Variants in MAGI1 observed in about 807,000 individuals in gnomAD.
MAGI1 encodes the protein membrane-associated guanylate kinase, WW and PDZ domain-containing protein 1.
Under a neutral mutation model 139.9 loss-of-function variants are expected in MAGI1, and 58 were observed. The observed-to-expected ratio is 0.41, with a 90% CI of 0.34 to 0.52. MAGI1 has a LOEUF of 0.52. Ranked by LOEUF, MAGI1 falls within the 20% of genes least tolerant of loss-of-function variation. MAGI1 has a pLI of 0.12. For missense variants in MAGI1, 1,874 were observed against 1,901.6 expected, an observed-to-expected ratio of 0.99 and a Z score of 0.27; for synonymous variants, 812 against 737.9, an observed-to-expected ratio of 1.10 and a Z score of -1.63.
chr3:65,726,956 C>CAAAAAAAAAAAAAAAAA (rs539578446), intron 1 of MAGI1, among the ~76,000 whole-genome samples: 2 of 102,194 alleles, frequency 2.0e-5, no homozygotes. Context: ...CTCCAAAATC[C>CAAAAAAAAAAAAAAAAA]AAAAAAAAAA....
At chr3:66,033,548 T>C (rs2068756488) in intron 1 of MAGI1, among the ~76,000 whole-genome samples, 1 of 152,178 alleles carries the variant, frequency 6.6e-6, no homozygotes, top group African/African-American at 2.4e-5. Context: ...CAAGGCCCTG[T>C]GTTTTAAAAT....
At chr3:65,377,246 AG>A (rs1942624389) in intron 17 of MAGI1, among the ~76,000 whole-genome samples, 1 of 152,214 alleles carries the variant, frequency 6.6e-6, no homozygotes, top group Admixed American at 6.5e-5. Flanking sequence ...AAAAGTTAAC[AG>A]TCTATTAGAA....
At chr3:65,704,856 G>A (rs1386439740) in intron 1 of MAGI1, among the ~76,000 whole-genome samples, 1 of 152,028 alleles carries the variant, frequency 6.6e-6, no homozygotes, top group Non-Finnish European at 1.5e-5. Flanking sequence ...ACAGTCTGCA[G>A]TAGATGTGCA....
At chr3:65,963,299 G>C (rs917568136) in intron 1 of MAGI1, among the ~76,000 whole-genome samples, 17 of 80,360 alleles carry the variant, frequency 2.1e-4, no homozygotes, top group African/African-American at 9.7e-4. Context: ...TCAACAGAGC[G>C]AGACTCTGTC....
chr3:65,465,111 C>T (rs1950086230), intron 5 of MAGI1, among the ~76,000 whole-genome samples: 1 of 150,838 alleles, frequency 6.6e-6, no homozygotes, highest in African/African-American at 2.4e-5. Context: ...TACCCTCCCT[C>T]ACTTATAATG....
At chr3:65,967,648 G>A (rs1042814875) in intron 1 of MAGI1, among the ~76,000 whole-genome samples, 1 of 152,178 alleles carries the variant, frequency 6.6e-6, no homozygotes, top group Non-Finnish European at 1.5e-5. Context: ...CAAAGCAGTC[G>A]ACAGGAAACG....
intron 1 of MAGI1, among the ~76,000 whole-genome samples, chr3:65,736,119 G>C (rs772078712): frequency 1.3e-5 from 2 of 152,196 alleles, no homozygotes; most frequent in Non-Finnish European, 2.9e-5. Flanking sequence ...AATTCAGAGA[G>C]CCGAAGGTTC....
intron 13 of MAGI1, among the ~76,000 whole-genome samples, chr3:65,394,719 A>G (rs1455739742): frequency 6.6e-6 from 1 of 151,802 alleles, no homozygotes; most frequent in Non-Finnish European, 1.5e-5. Flanking sequence ...CTAATTAGCT[A>G]TGAGGTTGTC....
At chr3:65,394,796 G>C (rs1293602354) in intron 13 of MAGI1, among the ~76,000 whole-genome samples, 1 of 152,040 alleles carries the variant, frequency 6.6e-6, no homozygotes, top group East Asian at 1.9e-4. Context: ...CCAAATTAAA[G>C]TCAACTTGTG....
rs5849691 is a variant in MAGI1, at chr3:65,764,084, G to GAA, written c.314-141998_314-141997dup. 3.7e-3 allele frequency among the ~76,000 whole-genome samples: 469 copies of GAA among 125,466 alleles called. 1 individual carries two copies. Among genetic ancestry groups the GAA allele is most frequent in the East Asian group, 0.017 (73 of 4,240 alleles). 82.3% of individuals were successfully genotyped at this position (125,466 alleles called of 152,430 possible). On this transcript the variant is annotated intron_variant, in intron 1 of 22. Transcript: ENST00000402939. ...AAGACCCTGTCTCAAAAGAAAAAAA[G>GAA]AAAAAAAAAAAAAAAACCTTGTTGT...
At chr3:65,492,550 G>A (rs1259284088) in intron 3 of MAGI1, among the ~76,000 whole-genome samples, 1 of 152,166 alleles carries the variant, frequency 6.6e-6, no homozygotes, top group East Asian at 1.9e-4. Flanking sequence ...GAATTGCAAT[G>A]ACCTATTAAG....
At chr3:65,796,529 A>T (rs1486539024) in intron 1 of MAGI1, among the ~76,000 whole-genome samples, 1 of 152,178 alleles carries the variant, frequency 6.6e-6, no homozygotes, top group African/African-American at 2.4e-5. Context: ...AAACGGACAC[A>T]CTGGCTCCCA....
In MAGI1 at chr3:65,787,324, A is replaced by G. The variant is rs143905493; in HGVS notation, c.314-165236T>C. Among the ~76,000 whole-genome samples the G allele has an allele frequency of 5.1e-3, 781 of 152,104 alleles. 8 individuals are homozygous for G. Among genetic ancestry groups the G allele is most frequent in the Middle Eastern group, 0.01 (3 of 294 alleles). ...AAGCCACTGGAGCATTTTCATAGCA[A>G]CATAGTATAAAAGAAACCGGATCAC... is the stretch of plus-strand genomic sequence containing the variant. On this transcript the variant is annotated intron_variant, in intron 1 of 22. Transcript: ENST00000402939.
intron 10 of MAGI1, among the ~76,000 whole-genome samples, chr3:65,435,458 A>G (rs200081038): frequency 7.4e-6 from 1 of 135,934 alleles, no homozygotes; most frequent in Admixed American, 7.7e-5. Flanking sequence ...TGGCTATTCT[A>G]TATGTATATG....
At chr3:65,909,858 A>G (rs1254585358) in intron 1 of MAGI1, among the ~76,000 whole-genome samples, 4 of 152,146 alleles carry the variant, frequency 2.6e-5, no homozygotes, top group African/African-American at 9.7e-5. Flanking sequence ...GTGGAAGACA[A>G]TATTTCCATG....
chr3:65,617,125 T>C (rs2083418769), intron 2 of MAGI1, among the ~76,000 whole-genome samples: 1 of 152,314 alleles, frequency 6.6e-6, no homozygotes, highest in Admixed American at 6.5e-5. Flanking sequence ...ATCAAACACA[T>C]GTAATCCCTC....
rs534431054 is a variant in MAGI1, at chr3:65,900,144, A to G, written c.313+137852T>C. Among the ~76,000 whole-genome samples, 7 of 152,202 alleles carry G rather than the reference A, an allele frequency of 4.6e-5. No homozygotes were observed. In the East Asian group the frequency reaches 1.4e-3, roughly 29 times the overall value. ...AATGGATTTGTCTTGGGGACAAGAG[A>G]TAGGCAGTATACACCCATCGTCTTG... On this transcript the variant is annotated intron_variant, in intron 1 of 22. Transcript: ENST00000402939.
At chr3:65,555,547 G>A (rs1204259240) in intron 2 of MAGI1, among the ~76,000 whole-genome samples, 3 of 152,062 alleles carry the variant, frequency 2.0e-5, no homozygotes, top group Non-Finnish European at 4.4e-5. Flanking sequence ...TAGGTGAGAG[G>A]TGGTGCCATT....
At chr3:65,644,641 A>G (rs74670532) in intron 1 of MAGI1, among the ~76,000 whole-genome samples, 236 of 152,250 alleles carry the variant, frequency 1.6e-3, no homozygotes, top group African/African-American at 5.5e-3. Flanking sequence ...AGCTCAGTTG[A>G]TAGGCTCGAC....
Sources: allele counts gnomAD v4.1 joint callset (sites outside exome capture counted in the v4.1 genomes callset), GRCh38; gene constraint gnomAD v4.1.1; transcripts MANE v1.5; gene names NCBI Gene and HGNC (gene_info 2026-07-23, HGNC 2026-07-21).